The following FBXL22 variants were observed in gnomAD, a reference collection of about 807,000 sequenced individuals.
FBXL22 encodes F-box and leucine rich repeat protein 22, also known as F-box and leucine-rich protein 22.
FBXL22 carries 13 observed loss-of-function variants against 11.7 expected under a neutral mutation model. The observed-to-expected ratio is 1.11, with a 90% CI of 0.73 to 1.77. The LOEUF is 1.77. FBXL22 is among the 40% of genes most tolerant of loss of function. The pLI is 0.00. For synonymous variants in FBXL22, 160 were observed against 144.1 expected, an observed-to-expected ratio of 1.11 and a Z score of -0.79; for missense variants, 406 against 320.4, an observed-to-expected ratio of 1.27 and a Z score of -2.04.
In FBXL22 at chr15:63,600,769, G is replaced by T; in HGVS notation, c.426G>T (p.Leu142=). ...CCGACGACTGCCTGGCGCGCCTGCT[G>T]CGCTGCTGCCCACGCCTGCGCGCAC... ...HVTDDCLARL[L]RCCPRLRALR... is the part of the protein sequence containing the mutation. The change falls in exon 2 of 2, where the codon CTG becomes CTT. Residue 142 remains leucine (L), a synonymous_variant. Coordinates refer to ENST00000638704, the MANE Select transcript of FBXL22 (RefSeq NM_001367807.1). 1 of 1,231,386 alleles carries T rather than the reference G, an allele frequency of 8.1e-7. No homozygotes were observed. The highest frequency in any genetic ancestry group is 1.0e-6 in the Non-Finnish European group (1 of 987,710). The allele number at this position is 1,231,386 out of a possible 1,614,324, so 76.3% of individuals were successfully genotyped here. A position where few individuals can be genotyped will look rare whatever the true frequency, so the allele number is the denominator to read the frequency against.
chr15:63,600,516 AGAG>A, intron 1 of FBXL22, 178 bp from the exon 2 acceptor site: 2 of 1,228,314 alleles, frequency 1.6e-6, no homozygotes, highest in Non-Finnish European at 1.0e-6. Flanking sequence ...AGGGGCAGAA[AGAG>A]GAGGGAAAAT....
At chr15:63,599,360 G>GGCTTAA (rs2067326992) in intron 1 of FBXL22, 7 of 1,433,972 alleles carry the variant, frequency 4.9e-6, no homozygotes, top group Non-Finnish European at 6.4e-6. Context: ...ACACCTTTGA[G>GGCTTAA]GCTTAAACAC....
chr15:63,606,068 C>T (rs1427092972), downstream of FBXL22, among the ~76,000 whole-genome samples: 1 of 152,200 alleles, frequency 6.6e-6, no homozygotes, highest in African/African-American at 2.4e-5. Flanking sequence ...CCCGGCTCTA[C>T]CACGGCACGC....
downstream of FBXL22, among the ~76,000 whole-genome samples, chr15:63,604,989 T>C (rs1034998462): frequency 6.6e-6 from 1 of 152,162 alleles, no homozygotes; most frequent in Admixed American, 6.5e-5. Context: ...GAGACAGTGG[T>C]TGCAGTGAGC....
At chr15:63,601,292 C>T (rs755383918), downstream of FBXL22, 3 of 1,574,826 alleles carry the variant, frequency 1.9e-6, no homozygotes, top group South Asian at 1.1e-5. Context: ...TGCTTCCGCC[C>T]CAGGCTTTCT....
the FBXL22 span, among the ~76,000 whole-genome samples, chr15:63,608,264 CCTT>C: frequency 2.0e-5 from 3 of 152,330 alleles, no homozygotes; most frequent in African/African-American, 7.2e-5. Flanking sequence ...TCCTCTTCCT[CCTT>C]GTCTGGTAGA....
rs1377509812 is a variant in FBXL22 at position 63,599,666 on chromosome 15, G to A, written c.354-1031G>A. The A allele has an allele frequency of 3.0e-6, 3 of 988,050 alleles. No individual in the cohort carries two copies. The African/African-American group carries it at 5.2e-5, about 17-fold the overall frequency. The allele number at this position is 988,050 out of a possible 1,614,324, so 61.2% of individuals were successfully genotyped here. ...CCCCTGGCACAAAGGAGCCGAGCTG[G>A]CACAGCCAGGGGCAGTCACGGAGCT... On this transcript the variant is annotated intron_variant, in intron 1 of 1. Transcript: ENST00000638704.
At chr15:63,602,585 CAAAAAAAAAAA>C (rs35457809), downstream of FBXL22, among the ~76,000 whole-genome samples, 1 of 74,596 alleles carries the variant, frequency 1.3e-5, no homozygotes, top group Non-Finnish European at 2.4e-5. Context: ...ACTCTTGTCT[CAAAAAAAAAAA>C]AAAAAAAAAA....
chr15:63,601,269 G>A, downstream of FBXL22: 2 of 1,547,536 alleles, frequency 1.3e-6, no homozygotes, highest in Middle Eastern at 1.8e-4. Context: ...CAACACCACC[G>A]CCTTTCCCCT....
intron 1 of FBXL22, among the ~76,000 whole-genome samples, chr15:63,598,790 T>C (rs4247077): frequency 0.83 from 125,971 of 152,246 alleles, 54,106 homozygotes; most frequent in African/African-American, 0.9. Flanking sequence ...GGACTTGGGG[T>C]TGGGCCCCGA....
downstream of FBXL22, among the ~76,000 whole-genome samples, chr15:63,604,082 G>C (rs924521102): frequency 7.2e-5 from 11 of 152,124 alleles, no homozygotes; most frequent in African/African-American, 2.4e-4. Flanking sequence ...TGGTGGCTTA[G>C]CCTGGACAAC....
At chr15:63,598,845 G>A (rs2067317504) in intron 1 of FBXL22, among the ~76,000 whole-genome samples, 1 of 152,222 alleles carries the variant, frequency 6.6e-6, no homozygotes, top group African/African-American at 2.4e-5. Context: ...CCAGGAATTA[G>A]ACTAGAGTGA....
chr15:63,598,513 C>T (rs1234824223), intron 1 of FBXL22, among the ~76,000 whole-genome samples: 2 of 152,232 alleles, frequency 1.3e-5, no homozygotes, highest in African/African-American at 4.8e-5. Flanking sequence ...TGGTCCCAGC[C>T]TCATGGGCAG....
At position 63,599,275 on chromosome 15, in the gene FBXL22, AG is replaced by A. The variant is rs1439109202; in HGVS notation, c.354-1417del. 2.6e-5 allele frequency: 40 copies of A among 1,515,038 alleles called. No individual in the cohort carries two copies. The East Asian group carries it at 9.6e-4, about 36-fold the overall frequency. 93.8% of individuals were successfully genotyped at this position (1,515,038 alleles called of 1,614,324 possible). A position where few individuals can be genotyped will look rare whatever the true frequency, so the allele number is the denominator to read the frequency against. ...GAGGAATGGCTGAGGATGGCTGGGC[AG>A]GGGGACAGTCCGCTCTTTGTTTTTT... On this transcript the variant is annotated intron_variant, in intron 1 of 1. Transcript: ENST00000638704.
At chr15:63,601,429 G>T, downstream of FBXL22, 1 of 1,587,506 alleles carries the variant, frequency 6.3e-7, no homozygotes, top group Non-Finnish European at 8.6e-7. Flanking sequence ...GCGCTCGGGG[G>T]TGACGGGGGC....
intron 1 of FBXL22, chr15:63,599,644 C>A: frequency 1.0e-6 from 1 of 989,392 alleles, no homozygotes. Context: ...CTTCCCTCCC[C>A]TGGCACAAAG....
Position 63,600,883 on chromosome 15 carries a change from C to T in FBXL22, c.540C>T (p.Asp180=). The change falls in exon 2 of 2, where the codon GAC becomes GAT. Residue 180 remains aspartate (D), a synonymous_variant. Transcript: ENST00000638704. ...GCGCGCTGCAGACATTGCACGTGGA[C>T]TTCTGCCGCAACGTGAGCGCGGCCG... ...DGRALQTLHV[D]FCRNVSAAGL... is the part of the protein sequence containing the mutation. 1 of 1,226,604 alleles carries T rather than the reference C, an allele frequency of 8.2e-7. No homozygotes were observed. Among genetic ancestry groups the T allele is most frequent in the African/African-American group, 1.6e-5 (1 of 64,270 alleles). The allele number at this position is 1,226,604 out of a possible 1,614,324, so 76.0% of individuals were successfully genotyped here. A position where few individuals can be genotyped will look rare whatever the true frequency, so the allele number is the denominator to read the frequency against.
downstream of FBXL22, chr15:63,601,782 AAG>A: frequency 1.4e-6 from 2 of 1,402,106 alleles, no homozygotes; most frequent in East Asian, 2.7e-5. Flanking sequence ...ATAAGGGAAA[AAG>A]AAATGATTTG....
chr15:63,604,792 C>T (rs969447791), downstream of FBXL22, among the ~76,000 whole-genome samples: 3 of 152,204 alleles, frequency 2.0e-5, no homozygotes, highest in African/African-American at 4.8e-5. Flanking sequence ...CAGTGGCTCA[C>T]GCCTGTAATC....
Sources: gnomAD v4.1 joint callset for allele counts (sites outside exome capture counted in the v4.1 genomes callset) on GRCh38, gnomAD v4.1.1 for gene constraint, MANE v1.5 for transcripts, NCBI Gene and HGNC (gene_info 2026-07-23, HGNC 2026-07-21) for gene names.